MTF2: variants seen among roughly 807,000 people sequenced by gnomAD.
The protein encoded by MTF2 is metal response element binding transcription factor 2, also known as metal-response element-binding transcription factor 2.
Under a neutral mutation model 79.5 loss-of-function variants are expected in MTF2, and 11 were observed. The observed-to-expected ratio is 0.14, with a 90% CI of 0.09 to 0.23. The LOEUF (loss-of-function observed/expected upper bound fraction) is 0.23, where lower values mean the gene tolerates loss of function less well. MTF2 is among the 10% of genes least tolerant of loss of function. MTF2 has a pLI of 1.00. For missense variants in MTF2, 486 were observed against 711.2 expected, an observed-to-expected ratio of 0.68 and a Z score of 3.60; for synonymous variants, 208 against 232.8, an observed-to-expected ratio of 0.89 and a Z score of 0.97.
At chr1:93,123,354 T>C (rs182172193) in intron 9 of MTF2, among the ~76,000 whole-genome samples, 2 of 151,776 alleles carry the variant, frequency 1.3e-5, no homozygotes, top group African/African-American at 4.8e-5. Flanking sequence ...TGAGGTCAAG[T>C]TATCTTCCTG....
intron 1 of MTF2, among the ~76,000 whole-genome samples, chr1:93,090,832 T>G (rs1655046500): frequency 6.6e-6 from 1 of 151,780 alleles, no homozygotes; most frequent in Admixed American, 6.6e-5. Flanking sequence ...CCTGGCTAAT[T>G]TTTTGTATTT....
In MTF2 at chr1:93,132,477, A is replaced by C. The variant is rs149027420; in HGVS notation, c.1161-1226A>C. Among the ~76,000 whole-genome samples the C allele has an allele frequency of 2.0e-3, 306 of 152,330 alleles. 2 individuals are homozygous for C. The highest frequency in any genetic ancestry group is 6.9e-3 in the African/African-American group (287 of 41,580). On this transcript the variant is annotated intron_variant, in intron 11 of 14. Transcript: ENST00000370298. ...AGCTGCTTTCTTTAAAGGCATCCTC[A>C]GTTCCTTCTGGACCTTGTGTATAAG...
At chr1:93,105,061 G>A (rs956463139) in intron 1 of MTF2, among the ~76,000 whole-genome samples, 14 of 148,864 alleles carry the variant, frequency 9.4e-5, no homozygotes, top group African/African-American at 2.5e-4. Context: ...GGAGAATGGC[G>A]TGAACCTGGG....
chr1:93,125,729 CAG>C (rs1350522844), intron 9 of MTF2, among the ~76,000 whole-genome samples: 1 of 151,980 alleles, frequency 6.6e-6, no homozygotes, highest in Non-Finnish European at 1.5e-5. Context: ...AGGAAGAAGA[CAG>C]AGTTAGTCAG....
chr1:93,118,057 G>A (rs914341747), intron 6 of MTF2, among the ~76,000 whole-genome samples: 1 of 152,102 alleles, frequency 6.6e-6, no homozygotes, highest in African/African-American at 2.4e-5. Flanking sequence ...TGTTTTAACA[G>A]AGCTCATTTG....
intron 1 of MTF2, among the ~76,000 whole-genome samples, chr1:93,098,121 C>T (rs549081495): frequency 1.3e-5 from 2 of 152,282 alleles, no homozygotes; most frequent in East Asian, 1.9e-4. Flanking sequence ...ATTTGAGCTG[C>T]AGTTATACTG....
chr1:93,106,701 T>C (rs1422086785), intron 1 of MTF2, among the ~76,000 whole-genome samples: 1 of 152,188 alleles, frequency 6.6e-6, no homozygotes, highest in African/African-American at 2.4e-5. Flanking sequence ...GTATTTTTAG[T>C]AGAGACGGGT....
In MTF2 at chr1:93,129,260, A is replaced by T. The variant is rs1553155604; in HGVS notation, c.990-18A>T. 2.0e-6 allele frequency: 3 copies of T among 1,514,140 alleles called. No homozygotes were observed. The highest frequency in any genetic ancestry group is 1.3e-5 in the South Asian group (1 of 77,030). 93.8% of individuals were successfully genotyped at this position (1,514,140 alleles called of 1,614,324 possible). ...TGTTCAGTTTTTAAAATTTTAGTTA[A>T]TTTTTTTAAAAATTTAGGTTTATGT... On this transcript the variant is annotated intron_variant, in intron 10 of 14. Transcript: ENST00000370298.
At chr1:93,091,409 AG>A (rs761478430) in intron 1 of MTF2, among the ~76,000 whole-genome samples, 3 of 152,066 alleles carry the variant, frequency 2.0e-5, no homozygotes, top group Non-Finnish European at 2.9e-5. Context: ...TGCCCAGACT[AG>A]TTTTCTAACT....
intron 1 of MTF2, among the ~76,000 whole-genome samples, chr1:93,099,345 G>A (rs536133077): frequency 2.6e-5 from 4 of 152,168 alleles, no homozygotes; most frequent in Non-Finnish European, 5.9e-5. Context: ...ACCAAGGGCT[G>A]GACAGTATGA....
rs71094231 is a variant in MTF2, at chr1:93,121,792, ATTTT to A, written c.921+1143_921+1146del. On this transcript the variant is annotated intron_variant, in intron 9 of 14. Coordinates refer to ENST00000370298, the MANE Select transcript of MTF2 (RefSeq NM_007358.4). ...AGAAAGTGAGTGATGTGTACATTTG[ATTTT>A]TTTTTTTTTTTTTTTTTTTTTTGGA... The A allele has an allele frequency of 1.5e-3, 1,066 of 707,240 alleles. 2 individuals are homozygous for A. In the African/African-American group the frequency reaches 0.016, roughly 10 times the overall value. 43.8% of individuals were successfully genotyped at this position (707,240 alleles called of 1,614,324 possible).
intron 3 of MTF2, 29 bp downstream of exon 3, chr1:93,110,655 A>G (rs767172501): frequency 1.3e-6 from 2 of 1,535,844 alleles, no homozygotes; most frequent in African/African-American, 2.8e-5. Context: ...CTTGAACATG[A>G]TTTAAATTAA....
At chr1:93,094,720 G>A (rs1286155924) in intron 1 of MTF2, among the ~76,000 whole-genome samples, 2 of 152,068 alleles carry the variant, frequency 1.3e-5, no homozygotes, top group Non-Finnish European at 2.9e-5. Flanking sequence ...TGTGCTGTGG[G>A]TTCTCCCATC....
At chr1:93,099,426 A>G (rs1314218428) in intron 1 of MTF2, among the ~76,000 whole-genome samples, 2 of 152,250 alleles carry the variant, frequency 1.3e-5, no homozygotes, top group Admixed American at 6.5e-5. Flanking sequence ...TGAAGATCCT[A>G]GAAACTTTCT....
chr1:93,079,881 G>A (rs1379865624), intron 1 of MTF2, among the ~76,000 whole-genome samples: 1 of 151,868 alleles, frequency 6.6e-6, no homozygotes, highest in Non-Finnish European at 1.5e-5. Flanking sequence ...GTGACGAGGG[G>A]GTGGGGAGCC....
At chr1:93,094,681 G>T (rs904397570) in intron 1 of MTF2, among the ~76,000 whole-genome samples, 2 of 151,876 alleles carry the variant, frequency 1.3e-5, no homozygotes, top group Non-Finnish European at 2.9e-5. Flanking sequence ...TGCCTTTTTG[G>T]GGGGTGGGGT....
intron 10 of MTF2, 112 bp from the exon 11 acceptor site, chr1:93,129,166 G>T (rs1656822099): frequency 3.1e-6 from 2 of 644,796 alleles, no homozygotes; most frequent in South Asian, 9.1e-5. Flanking sequence ...AATTTTTGTA[G>T]TATTGGGTGG....
chr1:93,100,499 G>A (rs1445883260), intron 1 of MTF2, among the ~76,000 whole-genome samples: 2 of 152,106 alleles, frequency 1.3e-5, no homozygotes, highest in East Asian at 3.9e-4. Flanking sequence ...TAGAGACGGA[G>A]TTTCACTGTG....
intron 11 of MTF2, among the ~76,000 whole-genome samples, chr1:93,132,088 C>T (rs1466348783): frequency 6.6e-6 from 1 of 151,344 alleles, no homozygotes; most frequent in Admixed American, 6.6e-5. Context: ...CCTCCATTTT[C>T]TCGATGAAAT....
Sources: gnomAD v4.1 joint callset for allele counts (sites outside exome capture counted in the v4.1 genomes callset) on GRCh38, gnomAD v4.1.1 for gene constraint, MANE v1.5 for transcripts, NCBI Gene and HGNC (gene_info 2026-07-23, HGNC 2026-07-21) for gene names.